The following LDLRAD3 variants were observed in gnomAD, a reference collection of about 807,000 sequenced individuals.
LDLRAD3 encodes low density lipoprotein receptor class A domain containing 3.
A neutral mutation model predicts 29.4 loss-of-function variants in LDLRAD3; 20 were observed. The ratio of observed to expected loss-of-function variants is 0.68; its 90% CI spans 0.48 to 0.99. LDLRAD3 has a LOEUF of 0.99. LDLRAD3 is among the 50% of genes least tolerant of loss of function. LDLRAD3 has a pLI of 0.00. For synonymous variants in LDLRAD3, 157 were observed against 192.7 expected (o/e 0.81, Z 1.53); for missense variants, 420 against 454.3 (o/e 0.92, Z 0.69).
Position 36,111,725 on chromosome 11 carries a change from G to T in LDLRAD3, c.454+13264G>T, listed in dbSNP as rs193251091. Among the ~76,000 whole-genome samples the T allele has an allele frequency of 2.0e-4, 31 of 151,930 alleles. No homozygotes were observed. In the East Asian group the frequency reaches 5.6e-3, roughly 28 times the overall value. ...AAGCACTTCTCTGCCTCACTCTCCCGAGTAGCGGGGATTACAGGCGCCTGC... is the reference window on the plus strand; with the variant it reads ...AAGCACTTCTCTGCCTCACTCTCCCTAGTAGCGGGGATTACAGGCGCCTGC... On this transcript the variant is annotated intron_variant, in intron 4 of 5. Transcript: ENST00000315571.
chr11:36,006,469 G>A (rs1242220141), intron 1 of LDLRAD3, among the ~76,000 whole-genome samples: 1 of 152,184 alleles, frequency 6.6e-6, no homozygotes, highest in Non-Finnish European at 1.5e-5. Context: ...CGAAGTAGGA[G>A]TTACTGAATG....
At chr11:36,033,354 A>ACC (rs1852263140) in intron 1 of LDLRAD3, among the ~76,000 whole-genome samples, 1 of 152,162 alleles carries the variant, frequency 6.6e-6, no homozygotes, top group Non-Finnish European at 1.5e-5. Flanking sequence ...TGGCAGGACC[A>ACC]CCTGTGTGTA....
intron 2 of LDLRAD3, among the ~76,000 whole-genome samples, chr11:36,044,002 T>A (rs1852415371): frequency 6.6e-6 from 1 of 152,194 alleles, no homozygotes; most frequent in South Asian, 2.1e-4. Flanking sequence ...TATTTGGTTT[T>A]TAAATGTCTC....
chr11:36,031,244 G>A lies in LDLRAD3; in HGVS notation c.47-4859G>A, dbSNP rs192774169. ...CTTCGTGCTAATGCTTGTCTTTTTT[G>A]GATTCTAAATGTGTCCCAAGGCACT... On this transcript the variant is annotated intron_variant, in intron 1 of 5. Coordinates refer to ENST00000315571, the MANE Select transcript of LDLRAD3 (RefSeq NM_174902.4). Among the ~76,000 whole-genome samples the A allele has an allele frequency of 1.8e-3, 269 of 152,148 alleles. 2 individuals are homozygous for A. Among genetic ancestry groups the A allele is most frequent in the African/African-American group, 5.9e-3 (245 of 41,536 alleles).
At chr11:35,995,167 T>C (rs1215499185) in intron 1 of LDLRAD3, among the ~76,000 whole-genome samples, 1 of 152,232 alleles carries the variant, frequency 6.6e-6, no homozygotes, top group Non-Finnish European at 1.5e-5. Flanking sequence ...TCAGTATCAA[T>C]GGCAGATATA....
chr11:36,079,425 G>A (rs930138222), intron 2 of LDLRAD3, among the ~76,000 whole-genome samples: 8 of 152,130 alleles, frequency 5.3e-5, no homozygotes, highest in Admixed American at 2.0e-4. Context: ...ACCATTAATT[G>A]AGCATCTACT....
chr11:36,152,303 A>T (rs1854289023), intron 4 of LDLRAD3, among the ~76,000 whole-genome samples: 1 of 152,214 alleles, frequency 6.6e-6, no homozygotes, highest in African/African-American at 2.4e-5. Flanking sequence ...ATAAAACCAG[A>T]TGCTATCAGA....
Position 36,231,960 on chromosome 11 carries a change from C to T in LDLRAD3, c.*2563C>T, listed in dbSNP as rs1450268005. ...ATGACTGGCCTATTACCTGACTCAGCTCCCTCTACCTTGAAATTGACATTT... is the reference window on the plus strand; with the variant it reads ...ATGACTGGCCTATTACCTGACTCAGTTCCCTCTACCTTGAAATTGACATTT... On this transcript the variant is annotated 3_prime_UTR_variant, in exon 6 of 6. Transcript: ENST00000315571. The T allele has an allele frequency of 2.0e-5, 3 of 152,166 alleles. No individual in the cohort carries two copies. The highest frequency in any genetic ancestry group is 7.2e-5 in the African/African-American group (3 of 41,420). The allele number at this position is 152,166 out of a possible 1,614,324, so 9.4% of individuals were successfully genotyped here.
At position 36,099,971 on chromosome 11, in the gene LDLRAD3, T is replaced by C. The variant is rs564388212; in HGVS notation, c.454+1510T>C. On this transcript the variant is annotated intron_variant, in intron 4 of 5. Coordinates refer to ENST00000315571, the MANE Select transcript of LDLRAD3 (RefSeq NM_174902.4). ...ACTCTTCACAGTGGTTCTCAAAGTATAATCCTCAGTCCGGGAGCATCAGCA... is the reference window on the plus strand; with the variant it reads ...ACTCTTCACAGTGGTTCTCAAAGTACAATCCTCAGTCCGGGAGCATCAGCA... Among the ~76,000 whole-genome samples the C allele has an allele frequency of 4.6e-5, 7 of 152,254 alleles. No homozygotes were observed. In the South Asian group the frequency reaches 8.3e-4, roughly 18 times the overall value.
At chr11:36,100,543 G>A (rs542170463) in intron 4 of LDLRAD3, among the ~76,000 whole-genome samples, 5 of 152,268 alleles carry the variant, frequency 3.3e-5, no homozygotes, top group Middle Eastern at 3.4e-3. Flanking sequence ...GGGTTCAAGC[G>A]ATTCTCCTGC....
intron 4 of LDLRAD3, among the ~76,000 whole-genome samples, chr11:36,129,648 G>A (rs1341855361): frequency 6.6e-6 from 1 of 152,200 alleles, no homozygotes; most frequent in African/African-American, 2.4e-5. Context: ...GAGAGGCCAT[G>A]CAATTGATCA....
chr11:36,012,897 A>G (rs1272909935), intron 1 of LDLRAD3, among the ~76,000 whole-genome samples: 1 of 152,230 alleles, frequency 6.6e-6, no homozygotes, highest in Admixed American at 6.5e-5. Flanking sequence ...AGTTGAAAAG[A>G]AAAAAGTCAG....
intron 1 of LDLRAD3, among the ~76,000 whole-genome samples, chr11:36,019,513 C>T (rs921372139): frequency 1.3e-5 from 2 of 152,194 alleles, no homozygotes; most frequent in African/African-American, 2.4e-5. Context: ...GTTCATAGGA[C>T]ACCAGAGCTT....
At chr11:36,037,007 G>A (rs1286500381) in intron 2 of LDLRAD3, among the ~76,000 whole-genome samples, 1 of 152,192 alleles carries the variant, frequency 6.6e-6, no homozygotes, top group East Asian at 1.9e-4. Flanking sequence ...TCCCTGCCCT[G>A]CAGAGGTGTA....
intron 4 of LDLRAD3, among the ~76,000 whole-genome samples, chr11:36,139,403 C>T (rs1286827184): frequency 6.6e-6 from 1 of 152,200 alleles, no homozygotes; most frequent in African/African-American, 2.4e-5. Context: ...CCATTCAGGT[C>T]TCACTGTTAA....
chr11:36,055,233 C>T (rs1053006419), intron 2 of LDLRAD3, among the ~76,000 whole-genome samples: 4 of 147,496 alleles, frequency 2.7e-5, no homozygotes, highest in Non-Finnish European at 1.5e-5. Flanking sequence ...TTCCACCTGC[C>T]CTGACCCCAA....
rs71044560 is a variant in LDLRAD3 at position 36,209,353 on chromosome 11, C to CTTTTTT, written c.455-17713_455-17708dup. 6.1e-4 allele frequency among the ~76,000 whole-genome samples: 42 copies of CTTTTTT among 68,590 alleles called. 1 individual carries two copies. The highest frequency in any genetic ancestry group is 1.2e-3 in the South Asian group (2 of 1,692). The allele number at this position is 68,590 out of a possible 152,430, so 45.0% of individuals were successfully genotyped here. On this transcript the variant is annotated intron_variant, in intron 4 of 5. Transcript: ENST00000315571. ...AGATGAAGGATTTGCAGAAACTGTA[C>CTTTTTT]TTTTTTTTTTTTTTTTTTTTTTTTG... is the stretch of plus-strand genomic sequence containing the variant.
intron 4 of LDLRAD3, among the ~76,000 whole-genome samples, chr11:36,208,886 G>A (rs1855246253): frequency 6.6e-6 from 1 of 152,180 alleles, no homozygotes; most frequent in Non-Finnish European, 1.5e-5. Context: ...TATTTGCATA[G>A]TTTCAAAGAA....
chr11:36,156,032 G>T (rs1254490858), intron 4 of LDLRAD3, among the ~76,000 whole-genome samples: 1 of 152,170 alleles, frequency 6.6e-6, no homozygotes. Flanking sequence ...AATCCTAGTT[G>T]CACATTAGAA....
Sources: gnomAD v4.1 joint callset for allele counts (sites outside exome capture counted in the v4.1 genomes callset) on GRCh38, gnomAD v4.1.1 for gene constraint, MANE v1.5 for transcripts, NCBI Gene and HGNC (gene_info 2026-07-23, HGNC 2026-07-21) for gene names.